Variants in PKHD1 observed in about 807,000 individuals in gnomAD.
The protein encoded by PKHD1 is PKHD1 ciliary IPT domain containing fibrocystin/polyductin.
A neutral mutation model predicts 412.0 loss-of-function variants in PKHD1; 291 were observed. That is an observed-to-expected ratio of 0.71 (90% CI 0.64 to 0.78). The LOEUF is 0.78. PKHD1 is among the 30% of genes least tolerant of loss of function. The pLI is 0.00. For synonymous variants in PKHD1, 1,777 were observed against 1,821.5 expected, an observed-to-expected ratio of 0.98 and a Z score of 0.62; for missense variants, 4,825 against 4,950.7, an observed-to-expected ratio of 0.97 and a Z score of 0.76.
rs1810674331 is a variant in PKHD1, at chr6:52,071,972, G to A, written c.602+143C>T. On this transcript the variant is annotated intron_variant, in intron 8 of 66. Coordinates refer to ENST00000371117, the MANE Select transcript of PKHD1 (RefSeq NM_138694.4). ...TCTTTTTCAGTAGTCTAAAGATAAG[G>A]TAGTAAATAGCTATGTGTGATTTAT... 7.3e-6 allele frequency: 5 copies of A among 681,380 alleles called. No homozygotes were observed. In the Admixed American group the frequency reaches 8.6e-5, roughly 12 times the overall value. The allele number at this position is 681,380 out of a possible 1,614,324, so 42.2% of individuals were successfully genotyped here.
intron 33 of PKHD1, among the ~76,000 whole-genome samples, chr6:52,021,655 C>T (rs183422050): frequency 1.4e-4 from 22 of 152,278 alleles, no homozygotes; most frequent in Non-Finnish European, 2.2e-4. Flanking sequence ...TGGACTCTAT[C>T]TCTCTTCCAT....
intron 35 of PKHD1, among the ~76,000 whole-genome samples, chr6:51,978,727 G>C (rs548721534): frequency 1.3e-5 from 2 of 152,230 alleles, no homozygotes; most frequent in African/African-American, 4.8e-5. Flanking sequence ...CACAAACACT[G>C]TAAGTCCCAG....
chr6:51,760,136 T>C (rs1787750745), intron 55 of PKHD1, among the ~76,000 whole-genome samples: 1 of 152,120 alleles, frequency 6.6e-6, no homozygotes, highest in Admixed American at 6.6e-5. Context: ...ATAATAAAGT[T>C]TGAGGAATGA....
intron 60 of PKHD1, among the ~76,000 whole-genome samples, chr6:51,734,680 A>G (rs1783624869): frequency 6.6e-6 from 1 of 152,112 alleles, no homozygotes; most frequent in African/African-American, 2.4e-5. Context: ...CGCTGATCAG[A>G]TCAAAAACTG....
intron 63 of PKHD1, among the ~76,000 whole-genome samples, chr6:51,643,267 A>G (rs1250847014): frequency 6.6e-6 from 1 of 151,982 alleles, no homozygotes; most frequent in Non-Finnish European, 1.5e-5. Context: ...AATTCACTTC[A>G]TTTTCTTACT....
intron 34 of PKHD1, among the ~76,000 whole-genome samples, chr6:52,015,923 C>T (rs77860839): frequency 0.031 from 4,695 of 152,298 alleles, 102 homozygotes; most frequent in Non-Finnish European, 0.047. Flanking sequence ...TAAAGCTATA[C>T]TGTCAATGCG....
intron 35 of PKHD1, among the ~76,000 whole-genome samples, chr6:51,974,662 CA>C (rs1333976726): frequency 6.6e-6 from 1 of 152,074 alleles, no homozygotes; most frequent in African/African-American, 2.4e-5. Flanking sequence ...TGTGAGGACT[CA>C]AAGGCATAAG....
chr6:51,772,942 C>G (rs771116797), intron 54 of PKHD1, among the ~76,000 whole-genome samples, 153 bp from the exon 55 acceptor site: 4 of 151,966 alleles, frequency 2.6e-5, no homozygotes. Context: ...TATTTAAATG[C>G]TCTATTTTAC....
Position 51,746,917 on chromosome 6 carries a change from T to A in PKHD1, c.9830-28A>T, listed in dbSNP as rs750169984. 15 of 1,277,816 alleles carry A rather than the reference T, an allele frequency of 1.2e-5. 1 individual carries two copies. The Admixed American group carries it at 2.5e-4, about 21-fold the overall frequency. The allele number at this position is 1,277,816 out of a possible 1,614,324, so 79.2% of individuals were successfully genotyped here. A position where few individuals can be genotyped will look rare whatever the true frequency, so the allele number is the denominator to read the frequency against. Reference sequence around the variant, plus strand: ...GAAATTTTAAAAATATGTATCATAATATTATATCATATAAACCACCAGCCA... The same window carrying A: ...GAAATTTTAAAAATATGTATCATAAAATTATATCATATAAACCACCAGCCA... On this transcript the variant is annotated intron_variant, in intron 58 of 66. Transcript: ENST00000371117.
chr6:51,944,445 T>G (rs558363970), intron 36 of PKHD1, among the ~76,000 whole-genome samples: 2 of 152,302 alleles, frequency 1.3e-5, no homozygotes, highest in African/African-American at 4.8e-5. Flanking sequence ...AAGATTGGTC[T>G]TTTGAGATTT....
chr6:51,941,272 G>A (rs1471206681), intron 36 of PKHD1, among the ~76,000 whole-genome samples: 7 of 97,100 alleles, frequency 7.2e-5, no homozygotes, highest in South Asian at 7.5e-4. Context: ...TTTTTGAGAC[G>A]GAGTCTCGCT....
chr6:51,833,816 CTG>C (rs2151531179), intron 51 of PKHD1, among the ~76,000 whole-genome samples: 1 of 152,240 alleles, frequency 6.6e-6, no homozygotes, highest in East Asian at 1.9e-4. Flanking sequence ...AAAAAGCTCA[CTG>C]AGGAATGGAC....
chr6:52,082,841 G>A (rs990438233), intron 3 of PKHD1, among the ~76,000 whole-genome samples: 5 of 152,218 alleles, frequency 3.3e-5, no homozygotes, highest in African/African-American at 9.6e-5. Flanking sequence ...CTCCCAAGTA[G>A]AGGACTGTCT....
chr6:51,741,288 AT>A (rs1582397114), intron 60 of PKHD1: 1 of 492,756 alleles, frequency 2.0e-6, no homozygotes, highest in Admixed American at 2.0e-5. Flanking sequence ...ACACCCATGT[AT>A]TTTTGGCACT....
At chr6:51,784,681 T>A (rs1460514799) in intron 53 of PKHD1, among the ~76,000 whole-genome samples, 2 of 152,186 alleles carry the variant, frequency 1.3e-5, no homozygotes, top group Admixed American at 6.6e-5. Flanking sequence ...ATCTAGCCCA[T>A]GAAACTCATG....
At chr6:51,836,929 C>CA (rs986945372) in intron 50 of PKHD1, among the ~76,000 whole-genome samples, 6 of 152,142 alleles carry the variant, frequency 3.9e-5, no homozygotes. Context: ...GCCTTTTCCC[C>CA]ACCCCCTATC....
intron 55 of PKHD1, among the ~76,000 whole-genome samples, chr6:51,767,114 C>T (rs1211353876): frequency 2.0e-5 from 3 of 151,882 alleles, no homozygotes; most frequent in Non-Finnish European, 4.4e-5. Context: ...AATTCAAATG[C>T]TAATTTATTC....
At chr6:51,717,939 T>A (rs998127151) in intron 60 of PKHD1, among the ~76,000 whole-genome samples, 16 of 152,200 alleles carry the variant, frequency 1.1e-4, no homozygotes, top group African/African-American at 3.9e-4. Flanking sequence ...TTGACCCTCA[T>A]CACAAGTATC....
intron 42 of PKHD1, 105 bp from the exon 43 acceptor site, chr6:51,903,832 C>CATATAT (rs66966800): frequency 0.013 from 5,804 of 434,674 alleles, 66 homozygotes; most frequent in Non-Finnish European, 0.015. Flanking sequence ...TAATGCATTT[C>CATATAT]ATATATATAT....
Sources: allele counts gnomAD v4.1 joint callset (sites outside exome capture counted in the v4.1 genomes callset), GRCh38; gene constraint gnomAD v4.1.1; transcripts MANE v1.5; gene names NCBI Gene and HGNC (gene_info 2026-07-23, HGNC 2026-07-21).